Variants in SYN3 observed in about 807,000 individuals in gnomAD.
SYN3 encodes synapsin III.
SYN3 carries 35 observed loss-of-function variants against 65.8 expected under a neutral mutation model. The ratio of observed to expected loss-of-function variants is 0.53; its 90% confidence interval spans 0.41 to 0.70. The LOEUF is 0.70. SYN3 is among the 30% of genes least tolerant of loss of function. The pLI, the probability that SYN3 is intolerant of heterozygous loss-of-function variation, is 0.00. For synonymous variants in SYN3, 270 were observed against 292.9 expected, an observed-to-expected ratio of 0.92 and a Z score of 0.80; for missense variants, 680 against 749.0, an observed-to-expected ratio of 0.91 and a Z score of 1.08.
chr22:32,901,081 C>A (rs1312725234), intron 4 of SYN3, among the ~76,000 whole-genome samples: 1 of 152,168 alleles, frequency 6.6e-6, no homozygotes, highest in Non-Finnish European at 1.5e-5. Flanking sequence ...TAATGCTGAT[C>A]AGTCTAGCTG....
At chr22:33,054,472 A>T (rs747546007) in intron 1 of SYN3, among the ~76,000 whole-genome samples, 3 of 152,216 alleles carry the variant, frequency 2.0e-5, no homozygotes, top group Non-Finnish European at 4.4e-5. Flanking sequence ...TACTATCCTC[A>T]TGATGATGTA....
intron 3 of SYN3, among the ~76,000 whole-genome samples, chr22:32,966,834 T>A (rs944230766): frequency 1.3e-5 from 2 of 152,090 alleles, no homozygotes; most frequent in Non-Finnish European, 2.9e-5. Flanking sequence ...GAGGATGGCT[T>A]GAGCCCAGGA....
chr22:32,594,951 G>A (rs1006224523), intron 7 of SYN3, among the ~76,000 whole-genome samples: 2 of 152,230 alleles, frequency 1.3e-5, no homozygotes, highest in Non-Finnish European at 2.9e-5. Flanking sequence ...AACTCCAGCT[G>A]TACTTTATCT....
chr22:32,942,222 C>A (rs9621604), intron 3 of SYN3, among the ~76,000 whole-genome samples: 1 of 152,168 alleles, frequency 6.6e-6, no homozygotes, highest in Admixed American at 6.5e-5. Context: ...ACACCTCACA[C>A]GGCCAGGTAC....
intron 6 of SYN3, among the ~76,000 whole-genome samples, chr22:32,672,208 G>C (rs767419488): frequency 6.6e-6 from 1 of 152,284 alleles, no homozygotes; most frequent in Middle Eastern, 3.4e-3. Flanking sequence ...ATTAAAAAAA[G>C]GTCTGCATAG....
chr22:32,878,145 AC>A (rs1389105366), intron 4 of SYN3, among the ~76,000 whole-genome samples: 1 of 152,048 alleles, frequency 6.6e-6, no homozygotes, highest in Non-Finnish European at 1.5e-5. Context: ...ACCTTCCACC[AC>A]CCTGAACCTC....
At chr22:32,615,432 T>TAAAAAA (rs1190319833) in intron 6 of SYN3, among the ~76,000 whole-genome samples, 5,868 of 74,002 alleles carry the variant, frequency 0.079, 371 homozygotes, top group East Asian at 0.24. Context: ...AGACTTCATC[T>TAAAAAA]AAAAAAAAAA....
chr22:32,650,101 GAC>G (rs2060040092), intron 6 of SYN3, among the ~76,000 whole-genome samples: 1 of 152,106 alleles, frequency 6.6e-6, no homozygotes, highest in South Asian at 2.1e-4. Flanking sequence ...CCCATCATAA[GAC>G]AGACGCAATC....
chr22:32,781,667 A>T (rs948168528), intron 6 of SYN3, among the ~76,000 whole-genome samples: 1 of 150,584 alleles, frequency 6.6e-6, no homozygotes, highest in African/African-American at 2.4e-5. Context: ...GTGTTTGCTA[A>T]TATTATTATT....
intron 6 of SYN3, among the ~76,000 whole-genome samples, chr22:32,662,372 A>G (rs1013469264): frequency 3.3e-5 from 5 of 152,208 alleles, no homozygotes; most frequent in African/African-American, 1.2e-4. Flanking sequence ...AGACGTGTAC[A>G]TACAGCTGCC....
At chr22:33,006,244 A>G in intron 2 of SYN3, 108 bp downstream of exon 2, 1 of 1,303,420 alleles carries the variant, frequency 7.7e-7, no homozygotes. Context: ...AGGCTCTGAT[A>G]GCACCCAAGC....
At chr22:33,054,143 CCT>C (rs2054217201) in intron 1 of SYN3, among the ~76,000 whole-genome samples, 1 of 152,028 alleles carries the variant, frequency 6.6e-6, no homozygotes, top group East Asian at 1.9e-4. Context: ...ATTTTCTCCT[CCT>C]CTCTCTCTCA....
intron 6 of SYN3, among the ~76,000 whole-genome samples, chr22:32,791,192 T>C (rs921499388): frequency 6.6e-6 from 1 of 152,180 alleles, no homozygotes; most frequent in African/African-American, 2.4e-5. Context: ...TTACATAGAA[T>C]AGGACCTGGC....
intron 2 of SYN3, among the ~76,000 whole-genome samples, chr22:32,990,301 A>AATCCATCCATCCATCC (rs113493698): frequency 1.4e-5 from 2 of 139,544 alleles, no homozygotes; most frequent in East Asian, 4.2e-4. Context: ...TCCATCCATG[A>AATCCATCCATCCATCC]ATCCATCCAT....
Position 33,042,317 on chromosome 22 carries a change from C to G in SYN3, c.-163+15975G>C, listed in dbSNP as rs559701115. Among the ~76,000 whole-genome samples the G allele has an allele frequency of 4.6e-5, 7 of 152,322 alleles. No individual in the cohort carries two copies. The South Asian group carries it at 1.5e-3, about 32-fold the overall frequency. ...GAAATAAAAGTGTGGGGGTCAGGGG[C>G]AGGAAAGGCCCCCAGACCCACCTGT... On this transcript the variant is annotated intron_variant, in intron 1 of 13. Coordinates refer to ENST00000358763, the MANE Select transcript of SYN3 (RefSeq NM_003490.4).
chr22:32,998,936 G>A (rs1242320080), intron 2 of SYN3, among the ~76,000 whole-genome samples: 2 of 152,100 alleles, frequency 1.3e-5, no homozygotes, highest in Non-Finnish European at 2.9e-5. Context: ...CGTGTGTTCT[G>A]TGTTCCTGAA....
At chr22:32,997,652 T>C (rs1302338740) in intron 2 of SYN3, among the ~76,000 whole-genome samples, 1 of 152,152 alleles carries the variant, frequency 6.6e-6, no homozygotes, top group Admixed American at 6.5e-5. Context: ...TTTGCCAGTT[T>C]CCACAGTGTA....
intron 4 of SYN3, among the ~76,000 whole-genome samples, chr22:32,878,521 C>T (rs1182707836): frequency 1.3e-5 from 2 of 152,200 alleles, no homozygotes; most frequent in African/African-American, 2.4e-5. Context: ...GTCCATACTT[C>T]TGAGTGTTGA....
intron 4 of SYN3, among the ~76,000 whole-genome samples, chr22:32,917,882 C>G (rs1415609101): frequency 6.6e-6 from 1 of 152,246 alleles, no homozygotes; most frequent in Non-Finnish European, 1.5e-5. Flanking sequence ...CGCCCCACCT[C>G]TGCAAGTCCC....
Sources: gnomAD v4.1 joint callset for allele counts (sites outside exome capture counted in the v4.1 genomes callset) on GRCh38, gnomAD v4.1.1 for gene constraint, MANE v1.5 for transcripts, NCBI Gene and HGNC (gene_info 2026-07-23, HGNC 2026-07-21) for gene names.